The following CCDC178 variants were observed in gnomAD, a reference collection of about 807,000 sequenced individuals.
The protein encoded by CCDC178 is coiled-coil domain containing 178.
A neutral mutation model predicts 117.4 loss-of-function variants in CCDC178; 126 were observed. The observed-to-expected ratio is 1.07, with a 90% confidence interval of 0.93 to 1.24. The LOEUF (loss-of-function observed/expected upper bound fraction) is 1.24, where lower values mean the gene tolerates loss of function less well. Ranked by LOEUF, CCDC178 falls within the 50% of genes most tolerant of loss-of-function variation. CCDC178 has a pLI of 0.00. For missense variants in CCDC178, 1,030 were observed against 986.9 expected (o/e 1.04, Z -0.59); for synonymous variants, 283 against 313.4 (o/e 0.90, Z 1.02).
At chr18:33,384,465 A>C (rs2063472389) in intron 5 of CCDC178, among the ~76,000 whole-genome samples, 1 of 152,142 alleles carries the variant, frequency 6.6e-6, no homozygotes, top group East Asian at 1.9e-4. Context: ...GCCAGAGAGA[A>C]AGGCAAGGTC....
intron 21 of CCDC178, among the ~76,000 whole-genome samples, chr18:32,999,949 A>G (rs893526254): frequency 1.3e-5 from 2 of 152,182 alleles, no homozygotes; most frequent in Non-Finnish European, 2.9e-5. Flanking sequence ...TAGGTACCAA[A>G]GAACATCCAT....
At chr18:32,967,721 T>C (rs2054844494) in intron 22 of CCDC178, among the ~76,000 whole-genome samples, 1 of 151,710 alleles carries the variant, frequency 6.6e-6, no homozygotes, top group South Asian at 2.1e-4. Context: ...TTTTTTATGG[T>C]ACTTTTTTTT....
intron 18 of CCDC178, among the ~76,000 whole-genome samples, chr18:33,221,491 G>A (rs1179684735): frequency 6.6e-6 from 1 of 152,078 alleles, no homozygotes; most frequent in Non-Finnish European, 1.5e-5. Context: ...TGAGAATACT[G>A]GGCGGAAAGG....
rs1172611104 is a variant in CCDC178, at chr18:33,219,917, A to G, written c.1932+3189T>C. ...GCACATGTACCCTAGAACTTAAAGTATAATAATGATAATAATAATAAAGAC... is the reference window on the plus strand; with the variant it reads ...GCACATGTACCCTAGAACTTAAAGTGTAATAATGATAATAATAATAAAGAC... On this transcript the variant is annotated intron_variant, in intron 18 of 22. Transcript: ENST00000383096. Among the ~76,000 whole-genome samples, 3 of 152,222 alleles carry G rather than the reference A, an allele frequency of 2.0e-5. No homozygotes were observed. The East Asian group carries it at 5.8e-4, about 29-fold the overall frequency.
intron 22 of CCDC178, among the ~76,000 whole-genome samples, chr18:32,959,739 T>C (rs1329223274): frequency 1.3e-5 from 2 of 152,030 alleles, no homozygotes; most frequent in Non-Finnish European, 2.9e-5. Context: ...GTATGAAAAA[T>C]ACCTACTGGA....
intron 1 of CCDC178, among the ~76,000 whole-genome samples, chr18:33,440,314 A>C (rs1408449432): frequency 6.0e-5 from 2 of 33,106 alleles, no homozygotes; most frequent in East Asian, 7.2e-4. Context: ...GGACTGGGGG[A>C]CTGGGGGACT....
chr18:33,260,708 G>A (rs2059735084), intron 14 of CCDC178, among the ~76,000 whole-genome samples: 1 of 151,266 alleles, frequency 6.6e-6, no homozygotes, highest in African/African-American at 2.4e-5. Flanking sequence ...ATTTTGTATT[G>A]TTCAAACTTT....
intron 9 of CCDC178, among the ~76,000 whole-genome samples, chr18:33,340,486 A>C (rs1049525684): frequency 6.6e-6 from 1 of 152,140 alleles, no homozygotes; most frequent in African/African-American, 2.4e-5. Context: ...GTTAATCCCC[A>C]AGACCACGGG....
At chr18:33,168,200 G>C (rs1045938800) in intron 20 of CCDC178, among the ~76,000 whole-genome samples, 2 of 152,002 alleles carry the variant, frequency 1.3e-5, no homozygotes, top group African/African-American at 4.8e-5. Flanking sequence ...TATCTTCCAG[G>C]GTTTTTATAG....
At chr18:33,186,813 C>T (rs749053937) in intron 20 of CCDC178, among the ~76,000 whole-genome samples, 31 of 151,948 alleles carry the variant, frequency 2.0e-4, no homozygotes, top group Admixed American at 1.3e-4. Flanking sequence ...GTGACCAATA[C>T]GTTAACTGGT....
intron 10 of CCDC178, among the ~76,000 whole-genome samples, chr18:33,326,664 T>A (rs1028241242): frequency 6.6e-6 from 1 of 152,098 alleles, no homozygotes; most frequent in Non-Finnish European, 1.5e-5. Context: ...TATCTTGTTG[T>A]TTTTGGGTTT....
intron 20 of CCDC178, among the ~76,000 whole-genome samples, chr18:33,200,109 T>A (rs1474984915): frequency 1.3e-5 from 2 of 152,230 alleles, no homozygotes; most frequent in East Asian, 3.8e-4. Context: ...AATTCTTCAT[T>A]GGTATAGCTT....
At chr18:33,374,540 T>G (rs1374280441) in intron 5 of CCDC178, among the ~76,000 whole-genome samples, 1 of 152,198 alleles carries the variant, frequency 6.6e-6, no homozygotes, top group African/African-American at 2.4e-5. Flanking sequence ...CTAGTGGAAA[T>G]GTAAAATTGT....
At chr18:33,241,292 G>C (rs543776947) in intron 15 of CCDC178, among the ~76,000 whole-genome samples, 91 of 151,950 alleles carry the variant, frequency 6.0e-4, no homozygotes, top group African/African-American at 2.1e-3. Context: ...AACAAGACAA[G>C]CAAGCCCACT....
chr18:33,143,865 C>G (rs1381410708), intron 20 of CCDC178, among the ~76,000 whole-genome samples: 1 of 151,970 alleles, frequency 6.6e-6, no homozygotes, highest in Non-Finnish European at 1.5e-5. Flanking sequence ...CCAGGGGATT[C>G]TTTTCGCCAT....
At chr18:33,033,942 T>C (rs1000191159) in intron 21 of CCDC178, among the ~76,000 whole-genome samples, 2 of 151,988 alleles carry the variant, frequency 1.3e-5, no homozygotes, top group Non-Finnish European at 2.9e-5. Context: ...TGTATATATA[T>C]ATATGTGTAT....
chr18:33,137,740 A>T (rs2058146825), intron 20 of CCDC178, among the ~76,000 whole-genome samples: 1 of 152,204 alleles, frequency 6.6e-6, no homozygotes, highest in Non-Finnish European at 1.5e-5. Context: ...CTGTTTATAC[A>T]TAAGCTAAAT....
intron 3 of CCDC178, among the ~76,000 whole-genome samples, chr18:33,406,222 A>G (rs990699456): frequency 6.6e-6 from 1 of 152,108 alleles, no homozygotes; most frequent in African/African-American, 2.4e-5. Flanking sequence ...GTAATTGTAA[A>G]CGGGCTTAAA....
intron 5 of CCDC178, among the ~76,000 whole-genome samples, chr18:33,383,379 C>T (rs897803437): frequency 2.0e-5 from 3 of 151,958 alleles, no homozygotes; most frequent in African/African-American, 4.8e-5. Context: ...GGACAGATGA[C>T]CCCCTCAAGT....
Sources: allele counts gnomAD v4.1 joint callset (sites outside exome capture counted in the v4.1 genomes callset), GRCh38; gene constraint gnomAD v4.1.1; transcripts MANE v1.5; gene names NCBI Gene and HGNC (gene_info 2026-07-23, HGNC 2026-07-21).